CLIC6: variants seen among roughly 807,000 people sequenced by gnomAD.
CLIC6 encodes CLIC family member 6, also known as chloride intracellular channel protein 6.
A neutral mutation model predicts 49.2 loss-of-function variants in CLIC6; 39 were observed. That is an observed-to-expected ratio of 0.79 (90% confidence interval 0.61 to 1.04). The LOEUF (loss-of-function observed/expected upper bound fraction) is 1.04. CLIC6 is among the 50% of genes least tolerant of loss of function. The pLI, the probability that CLIC6 is intolerant of heterozygous loss-of-function variation, is 0.00. For synonymous variants in CLIC6, 446 were observed against 433.4 expected, an observed-to-expected ratio of 1.03 and a Z score of -0.36; for missense variants, 988 against 993.1, an observed-to-expected ratio of 0.99 and a Z score of 0.07.
chr21:34,696,694 T>C (rs1990094954), intron 1 of CLIC6, among the ~76,000 whole-genome samples: 3 of 152,266 alleles, frequency 2.0e-5, no homozygotes, highest in African/African-American at 7.2e-5. Flanking sequence ...ACATGCTCCA[T>C]ATGTGTTAGT....
At chr21:34,702,894 C>G (rs1165075633) in intron 1 of CLIC6, among the ~76,000 whole-genome samples, 1 of 152,198 alleles carries the variant, frequency 6.6e-6, no homozygotes, top group Non-Finnish European at 1.5e-5. Context: ...CTTTGTTCCC[C>G]TCTGAGGACA....
chr21:34,714,363 A>T (rs1258246574), intron 5 of CLIC6, among the ~76,000 whole-genome samples: 2 of 152,204 alleles, frequency 1.3e-5, no homozygotes, highest in African/African-American at 2.4e-5. Flanking sequence ...CTCATTTGTC[A>T]TCATCAGGAG....
chr21:34,670,255 G>A lies in CLIC6; in HGVS notation c.867G>A (p.Ala289=), dbSNP rs1038922856. The A allele has an allele frequency of 7.0e-6, 10 of 1,431,408 alleles. No individual in the cohort carries two copies. The African/African-American group carries it at 1.4e-4, about 19-fold the overall frequency. 88.7% of individuals were successfully genotyped at this position (1,431,408 alleles called of 1,614,324 possible). ...ACGCCGAGGGTCCGGCAGGAAGGGC[G>A]CGCCGGGTCTCGGGTGAGCCGCAGC... ...SMDAEGPAGR[A]RRVSGEPQQS... Residue 289 remains alanine (A), a synonymous_variant, in exon 1 of 6, where the codon GCG becomes GCA. Coordinates refer to ENST00000349499, the MANE Select transcript of CLIC6 (RefSeq NM_053277.3).
intron 1 of CLIC6, among the ~76,000 whole-genome samples, chr21:34,703,479 CAGT>C (rs2055993650): frequency 2.0e-5 from 3 of 151,982 alleles, no homozygotes; most frequent in African/African-American, 7.3e-5. Context: ...CCTTTGAAGG[CAGT>C]GGTGGGGCAG....
At chr21:34,704,933 C>A (rs1276448687) in intron 1 of CLIC6, among the ~76,000 whole-genome samples, 3 of 152,140 alleles carry the variant, frequency 2.0e-5, no homozygotes. Context: ...ATTCCAGAGG[C>A]AGAGCTTTGT....
rs559241741 is a variant in CLIC6, at chr21:34,671,351, G to A, written c.1374+589G>A. Among the ~76,000 whole-genome samples, 952 of 152,206 alleles carry A rather than the reference G, an allele frequency of 6.3e-3. 7 individuals carry two copies. Among genetic ancestry groups the A allele is most frequent in the South Asian group, 0.025 (118 of 4,814 alleles). On this transcript the variant is annotated intron_variant, in intron 1 of 5. Transcript: ENST00000349499. ...TGGTAGAATCAACAATGTACGTTTA[G>A]GGGGGAATGGAGCCTTATTGACATA...
At chr21:34,682,176 A>G (rs1266007711) in intron 1 of CLIC6, among the ~76,000 whole-genome samples, 1 of 152,240 alleles carries the variant, frequency 6.6e-6, no homozygotes, top group African/African-American at 2.4e-5. Flanking sequence ...ATTCTTAGAA[A>G]TGGCATTGCT....
chr21:34,697,816 G>A (rs1601278632), intron 1 of CLIC6, among the ~76,000 whole-genome samples: 2 of 152,228 alleles, frequency 1.3e-5, no homozygotes, highest in East Asian at 3.8e-4. Context: ...TTGAGGCCAG[G>A]AGAACTGCGG....
chr21:34,670,285 G>C lies in CLIC6; in HGVS notation c.897G>C (p.Ser299=). The C allele has an allele frequency of 6.9e-7, 1 of 1,440,156 alleles. No individual in the cohort carries two copies. The highest frequency in any genetic ancestry group is 9.1e-7 in the Non-Finnish European group (1 of 1,101,572). The allele number at this position is 1,440,156 out of a possible 1,614,324, so 89.2% of individuals were successfully genotyped here. A position where few individuals can be genotyped will look rare whatever the true frequency, so the allele number is the denominator to read the frequency against. The change falls in exon 1 of 6, where the codon TCG becomes TCC. Residue 299 remains serine (S), a synonymous_variant. Transcript: ENST00000349499. The part of the protein sequence containing the change: ...ARRVSGEPQQ[S]GDGSLSPQAE... ...GGGTCTCGGGTGAGCCGCAGCAATC[G>C]GGGGACGGCAGCCTCTCGCCCCAGG...
At chr21:34,706,376 C>T (rs897473532) in intron 1 of CLIC6, among the ~76,000 whole-genome samples, 1 of 152,192 alleles carries the variant, frequency 6.6e-6, no homozygotes, top group Non-Finnish European at 1.5e-5. Flanking sequence ...ACCCCCCGAC[C>T]CAATCACTTC....
Position 34,670,756 on chromosome 21 carries a change from C to A in CLIC6, c.1368C>A (p.Phe456Leu). The change falls in exon 1 of 6, where the codon TTC (phenylalanine) becomes TTA (leucine). Residue 456 changes from phenylalanine (F) to leucine (L), a missense_variant. Coordinates refer to ENST00000349499, the MANE Select transcript of CLIC6 (RefSeq NM_053277.3). ...ALGQEHDITL[F>L]VKAGYDGESI... ...GGCAGGAGCACGACATCACCCTCTT[C>A]GTCAAGGTAAAGCTCGCTTCCCTCA... 2 of 1,599,134 alleles carry A rather than the reference C, an allele frequency of 1.3e-6. No homozygotes were observed. The highest frequency in any genetic ancestry group is 8.5e-7 in the Non-Finnish European group (1 of 1,177,712).
chr21:34,673,430 C>G (rs1989605181), intron 1 of CLIC6, among the ~76,000 whole-genome samples: 1 of 152,128 alleles, frequency 6.6e-6, no homozygotes, highest in African/African-American at 2.4e-5. Context: ...GCTGAGACTA[C>G]AGGCATGCGC....
intron 1 of CLIC6, among the ~76,000 whole-genome samples, chr21:34,690,515 G>A (rs999530314): frequency 3.9e-5 from 6 of 152,112 alleles, no homozygotes; most frequent in Non-Finnish European, 7.3e-5. Context: ...TGGATTTAGC[G>A]TAACACATGA....
At position 34,670,624 on chromosome 21, in the gene CLIC6, G is replaced by T. The variant is rs1188869756; in HGVS notation, c.1236G>T (p.Gln412His). ...GGGGCGCCGCGGAGCCTGAGGCCCA[G>T]CTCAGCAACCACCTGGCCGAGGAGG... ...ASRGAAEPEA[Q>H]LSNHLAEEGP... The change falls in exon 1 of 6, where the codon CAG becomes CAT. Residue 412 changes from glutamine to histidine, a missense_variant. This residue lies in a region of CLIC6 where 647 missense variants were observed against 596.9 expected (regional missense o/e 1.08). Transcript: ENST00000349499. The T allele has an allele frequency of 4.5e-6, 7 of 1,550,508 alleles. No homozygotes were observed. Among genetic ancestry groups the T allele is most frequent in the Non-Finnish European group, 6.1e-6 (7 of 1,149,214 alleles).
At position 34,669,972 on chromosome 21, in the gene CLIC6, C is replaced by A. The variant is rs1989506048; in HGVS notation, c.584C>A (p.Pro195Gln). 7.4e-7 allele frequency: 1 copy of A among 1,342,474 alleles called. No individual in the cohort carries two copies. Among genetic ancestry groups the A allele is most frequent in the Non-Finnish European group, 9.5e-7 (1 of 1,056,436 alleles). The allele number at this position is 1,342,474 out of a possible 1,614,324, so 83.2% of individuals were successfully genotyped here. ...GGGGACAGCGTAGACGCGGAAGGTC[C>A]GGCGGGGGACAGCGTAGACGCGGAG... ...RVGDSVDAEGPAGDSVDAEGP... is the reference protein window; with the variant it reads ...RVGDSVDAEGQAGDSVDAEGP... The change falls in exon 1 of 6, where the codon CCG becomes CAG. Residue 195 changes from proline (P) to glutamine (Q), a missense_variant. Physicochemically the swap from Pro to Gln is moderately conservative, Grantham distance 76 (BLOSUM62 -1). Around this residue, in one of 3 missense-constraint regions of CLIC6, gnomAD observed 57 missense variants for 117.6 expected, o/e 0.48. Coordinates refer to ENST00000349499, the MANE Select transcript of CLIC6 (RefSeq NM_053277.3).
At chr21:34,699,745 C>T (rs1990153978) in intron 1 of CLIC6, among the ~76,000 whole-genome samples, 1 of 152,050 alleles carries the variant, frequency 6.6e-6, no homozygotes, top group Non-Finnish European at 1.5e-5. Context: ...CACAGATACA[C>T]GTGAAGTGAG....
intron 1 of CLIC6, among the ~76,000 whole-genome samples, chr21:34,675,188 A>C (rs1268315667): frequency 6.6e-6 from 1 of 151,978 alleles, no homozygotes; most frequent in South Asian, 2.1e-4. Context: ...GAAACACAGT[A>C]AAACTCAAGA....
chr21:34,689,727 G>GCCTT (rs1989954474), intron 1 of CLIC6, among the ~76,000 whole-genome samples: 2 of 152,080 alleles, frequency 1.3e-5, no homozygotes, highest in Non-Finnish European at 2.9e-5. Flanking sequence ...GAGACGCTGT[G>GCCTT]CAATGTCAGG....
At chr21:34,705,606 G>C (rs895963447) in intron 1 of CLIC6, among the ~76,000 whole-genome samples, 2 of 152,168 alleles carry the variant, frequency 1.3e-5, no homozygotes, top group Non-Finnish European at 2.9e-5. Flanking sequence ...GGGAGAGTGG[G>C]AGAGGATGTG....
Sources: allele counts gnomAD v4.1 joint callset (sites outside exome capture counted in the v4.1 genomes callset), GRCh38; gene constraint gnomAD v4.1.1; regional missense constraint gnomAD v4.1.1; transcripts MANE v1.5; gene names NCBI Gene and HGNC (gene_info 2026-07-23, HGNC 2026-07-21).